GPATCH1: variants seen among roughly 807,000 people sequenced by gnomAD.
The protein encoded by GPATCH1 is G-patch domain containing 1.
Under a neutral mutation model 114.9 loss-of-function variants are expected in GPATCH1, and 73 were observed. The observed-to-expected ratio is 0.64, with a 90% CI of 0.53 to 0.77. The LOEUF is 0.77. GPATCH1 is among the 30% of genes least tolerant of loss of function. GPATCH1 has a pLI of 0.00. For synonymous variants in GPATCH1, 391 were observed against 428.4 expected (o/e 0.91, Z 1.08); for missense variants, 1,058 against 1,144.3 (o/e 0.92, Z 1.09).
intron 13 of GPATCH1, 138 bp from the exon 14 acceptor site, chr19:33,113,629 C>T (rs957081539): frequency 1.6e-6 from 1 of 626,892 alleles, no homozygotes; most frequent in African/African-American, 1.9e-5. Flanking sequence ...GATTCTCGAA[C>T]TGCTTTGAGA....
At chr19:33,110,189 C>T (rs1378419476) in intron 11 of GPATCH1, among the ~76,000 whole-genome samples, 173 bp downstream of exon 11, 1 of 152,194 alleles carries the variant, frequency 6.6e-6, no homozygotes, top group East Asian at 1.9e-4. Flanking sequence ...CCTCAGAAAG[C>T]AAGAACAGTT....
intron 13 of GPATCH1, 111 bp downstream of exon 13, chr19:33,112,724 C>T: frequency 1.7e-5 from 12 of 722,742 alleles, no homozygotes; most frequent in Non-Finnish European, 2.4e-5. Flanking sequence ...AACTTATTTG[C>T]ATATCACTGG....
At chr19:33,105,974 G>A (rs998077716) in intron 9 of GPATCH1, among the ~76,000 whole-genome samples, 2 of 150,974 alleles carry the variant, frequency 1.3e-5, no homozygotes, top group African/African-American at 2.4e-5. Flanking sequence ...CAGCACCCCC[G>A]AGTAGCTGAG....
chr19:33,085,517 A>G (rs1972526742), intron 1 of GPATCH1, among the ~76,000 whole-genome samples: 1 of 151,934 alleles, frequency 6.6e-6, no homozygotes, highest in Non-Finnish European at 1.5e-5. Flanking sequence ...TGACTCCCCC[A>G]CCCTTTAAAA....
Position 33,109,811 on chromosome 19 carries a change from C to G in GPATCH1, c.1380C>G (p.Leu460=), listed in dbSNP as rs1972829142. The change falls in exon 11 of 20, where the codon CTC becomes CTG. Residue 460 remains leucine (L), a synonymous_variant. Transcript: ENST00000170564. ...KQATDLKAAQ[L]KARSLAQNAQ... is the part of the protein sequence containing the mutation. ...CAACTGACCTGAAAGCAGCTCAGCT[C>G]AAGGCCAGGAGTCTGGCCCAGAACG... 1 of 1,613,408 alleles carries G rather than the reference C, an allele frequency of 6.2e-7. No individual in the cohort carries two copies.
chr19:33,116,213 A>G (rs1160183871), intron 15 of GPATCH1, among the ~76,000 whole-genome samples: 1 of 152,208 alleles, frequency 6.6e-6, no homozygotes, highest in African/African-American at 2.4e-5. Context: ...CACAATGAAA[A>G]TGCCATCAAA....
At chr19:33,116,830 A>AT (rs1049664597) in intron 15 of GPATCH1, among the ~76,000 whole-genome samples, 57 of 151,288 alleles carry the variant, frequency 3.8e-4, no homozygotes, top group Admixed American at 2.3e-3. Context: ...CGCATGGCCA[A>AT]TTTTTTTTTA....
At chr19:33,111,677 A>G in intron 11 of GPATCH1, 47 bp from the exon 12 acceptor site, 3 of 1,573,660 alleles carry the variant, frequency 1.9e-6, no homozygotes, top group Middle Eastern at 2.2e-4. Flanking sequence ...TGTAAGCCCC[A>G]TGTTTTCCTG....
chr19:33,097,904 T>C lies in GPATCH1; in HGVS notation c.1000+2T>C. 1 of 1,613,346 alleles carries C rather than the reference T, an allele frequency of 6.2e-7. No homozygotes were observed. Among genetic ancestry groups the C allele is most frequent in the Non-Finnish European group, 8.5e-7 (1 of 1,179,694 alleles). On this transcript the variant is annotated splice_donor_variant, in intron 8 of 19. Coordinates refer to ENST00000170564, the MANE Select transcript of GPATCH1 (RefSeq NM_018025.3). LOFTEE classifies it high-confidence loss of function. ...CCAGGCAGTATAAAAACCAGAAAGG[T>C]AATTCGACAGCCACAAACCTAATGG...
At chr19:33,117,740 G>C in intron 15 of GPATCH1, 85 bp from the exon 16 acceptor site, 1 of 897,458 alleles carries the variant, frequency 1.1e-6, no homozygotes, top group Non-Finnish European at 1.8e-6. Flanking sequence ...ACATAAATAT[G>C]TGTGTCTGGG....
intron 18 of GPATCH1, 146 bp downstream of exon 18, chr19:33,125,348 A>C (rs762141717): frequency 2.2e-6 from 2 of 908,608 alleles, no homozygotes; most frequent in East Asian, 5.3e-5. Context: ...TTGACATTCA[A>C]TTCAAATGCT....
Position 33,088,174 on chromosome 19 carries a change from T to A in GPATCH1, c.114T>A (p.Thr38=). The A allele has an allele frequency of 6.3e-7, 1 of 1,592,962 alleles. No individual in the cohort carries two copies. Among genetic ancestry groups the A allele is most frequent in the Non-Finnish European group, 8.6e-7 (1 of 1,165,478 alleles). The change falls in exon 2 of 20, where the codon ACT becomes ACA. Residue 38 remains threonine (T), a synonymous_variant. Coordinates refer to ENST00000170564, the MANE Select transcript of GPATCH1 (RefSeq NM_018025.3). ...AACCAATCCCTCTTCAGGATCAGAC[T>A]GTCAGAGATGAAAAAGGAAGGTATA... ...PKKPIPLQDQ[T]VRDEKGRYKR... is the part of the protein sequence containing the mutation.
At chr19:33,108,047 G>A (rs1972806833) in intron 10 of GPATCH1, among the ~76,000 whole-genome samples, 3 of 151,518 alleles carry the variant, frequency 2.0e-5, no homozygotes, top group African/African-American at 4.9e-5. Context: ...CGGTCCTCCC[G>A]CACCCTCCCT....
intron 19 of GPATCH1, among the ~76,000 whole-genome samples, chr19:33,128,315 C>T (rs1004921690): frequency 4.6e-5 from 7 of 152,254 alleles, no homozygotes; most frequent in African/African-American, 1.7e-4. Context: ...AGCTGGAGTG[C>T]AGTGGCGCGA....
chr19:33,114,532 T>C (rs990749085), intron 15 of GPATCH1, 113 bp downstream of exon 15: 1 of 830,816 alleles, frequency 1.2e-6, no homozygotes, highest in Admixed American at 2.9e-5. Context: ...TATTGATCCA[T>C]TTCCCCTTAA....
At chr19:33,101,653 T>G in intron 9 of GPATCH1, 79 bp downstream of exon 9, 1 of 717,142 alleles carries the variant, frequency 1.4e-6, no homozygotes, top group Non-Finnish European at 2.4e-6. Flanking sequence ...TGAGTTCTAT[T>G]AACAACAGGA....
Position 33,101,558 on chromosome 19 carries a change from C to T in GPATCH1, c.1064C>T (p.Pro355Leu). 6.3e-7 allele frequency: 1 copy of T among 1,583,202 alleles called. No individual in the cohort carries two copies. Among genetic ancestry groups the T allele is most frequent in the Admixed American group, 1.7e-5 (1 of 59,436 alleles). ...GATGGATTTTCCTTGGCTTCTAAAC[C>T]TTTATCTTCTAAGAAAGTAAGAAAA... ...ILDGFSLASK[P>L]LSSKKIYPPP... Residue 355 changes from proline to leucine, a missense_variant, in exon 9 of 20, where the codon CCT becomes CTT. Transcript: ENST00000170564.
chr19:33,088,160 C>T lies in GPATCH1; in HGVS notation c.100C>T (p.Leu34Phe), dbSNP rs765989577. The change falls in exon 2 of 20, where the codon CTT becomes TTT. Residue 34 changes from leucine to phenylalanine, a missense_variant. Transcript: ENST00000170564. ...EGERPKKPIP[L>F]QDQTVRDEKG... ...TGAAAGACCAAAGAAACCAATCCCT[C>T]TTCAGGATCAGACTGTCAGAGATGA... 5 of 1,503,626 alleles carry T rather than the reference C, an allele frequency of 3.3e-6. No homozygotes were observed. The African/African-American group carries it at 4.4e-5, about 13-fold the overall frequency. 93.1% of individuals were successfully genotyped at this position (1,503,626 alleles called of 1,614,324 possible). A position where few individuals can be genotyped will look rare whatever the true frequency, so the allele number is the denominator to read the frequency against.
intron 16 of GPATCH1, 30 bp from the exon 17 acceptor site, chr19:33,118,980 G>GAATGAC: frequency 3.0e-6 from 4 of 1,351,696 alleles, no homozygotes; most frequent in Non-Finnish European, 4.2e-6. Flanking sequence ...TGGGGCAGAC[G>GAATGAC]AATGACATGA....
Sources: allele counts gnomAD v4.1 joint callset (sites outside exome capture counted in the v4.1 genomes callset), GRCh38; gene constraint gnomAD v4.1.1; transcripts MANE v1.5; gene names NCBI Gene and HGNC (gene_info 2026-07-23, HGNC 2026-07-21).